Variants in OSBPL8 observed in about 807,000 individuals in gnomAD.
OSBPL8 encodes the protein oxysterol-binding protein-related protein 8.
A neutral mutation model predicts 125.5 loss-of-function variants in OSBPL8; 59 were observed. The ratio of observed to expected loss-of-function variants is 0.47; its 90% CI spans 0.38 to 0.58. The LOEUF (loss-of-function observed/expected upper bound fraction) is 0.58, where lower values mean the gene tolerates loss of function less well. Ranked by LOEUF, OSBPL8 falls within the 20% of genes least tolerant of loss-of-function variation. The pLI is 0.00. For missense variants in OSBPL8, 758 were observed against 1,047.8 expected (o/e 0.72, Z 3.82); for synonymous variants, 330 against 338.9 (o/e 0.97, Z 0.29).
At chr12:76,497,409 C>T (rs559212699) in intron 1 of OSBPL8, among the ~76,000 whole-genome samples, 31 of 152,264 alleles carry the variant, frequency 2.0e-4, no homozygotes, top group African/African-American at 7.5e-4. Context: ...TTCAGGTTAA[C>T]ATCGCGTGTA....
At chr12:76,496,824 G>A (rs951518106) in intron 1 of OSBPL8, among the ~76,000 whole-genome samples, 2 of 152,150 alleles carry the variant, frequency 1.3e-5, no homozygotes, top group South Asian at 4.1e-4. Flanking sequence ...TTACAGGTGT[G>A]AGCCACCGTG....
intron 5 of OSBPL8, among the ~76,000 whole-genome samples, chr12:76,407,610 T>C (rs1954324806): frequency 6.6e-6 from 1 of 152,214 alleles, no homozygotes; most frequent in Admixed American, 6.5e-5. Flanking sequence ...CAGAATAAAC[T>C]AAGATTAAAT....
At chr12:76,532,853 G>A (rs1950385369) in intron 1 of OSBPL8, among the ~76,000 whole-genome samples, 2 of 152,108 alleles carry the variant, frequency 1.3e-5, no homozygotes, top group South Asian at 2.1e-4. Flanking sequence ...CACAAAGATT[G>A]TTGCTTTCTG....
In OSBPL8 at chr12:76,371,722, C is replaced by A. The variant is rs551271228; in HGVS notation, c.1918-138G>T. 436 of 772,882 alleles carry A rather than the reference C, an allele frequency of 5.6e-4. 2 individuals carry two copies. The African/African-American group carries it at 7.1e-3, about 13-fold the overall frequency. The allele number at this position is 772,882 out of a possible 1,614,324, so 47.9% of individuals were successfully genotyped here. A position where few individuals can be genotyped will look rare whatever the true frequency, so the allele number is the denominator to read the frequency against. ...ATTTTTAAAACAAATATAACTAGCA[C>A]TTTTCCAAAAACTCCAAGTTTCTTA... On this transcript the variant is annotated intron_variant, in intron 18 of 23. Transcript: ENST00000261183.
chr12:76,462,516 CAT>C (rs1874862382), intron 2 of OSBPL8, among the ~76,000 whole-genome samples: 1 of 152,132 alleles, frequency 6.6e-6, no homozygotes, highest in Non-Finnish European at 1.5e-5. Context: ...CTACTGCTGA[CAT>C]ATATCACTTA....
chr12:76,406,397 T>C (rs935401102), intron 5 of OSBPL8, among the ~76,000 whole-genome samples: 1 of 152,108 alleles, frequency 6.6e-6, no homozygotes, highest in Non-Finnish European at 1.5e-5. Flanking sequence ...GGTTGAAAAA[T>C]CAACTTAAAG....
At chr12:76,388,340 G>C (rs910123557) in intron 12 of OSBPL8, among the ~76,000 whole-genome samples, 2 of 152,144 alleles carry the variant, frequency 1.3e-5, no homozygotes, top group African/African-American at 4.8e-5. Context: ...ATTACCTTCA[G>C]GGTGCTGTGC....
At position 76,461,486 on chromosome 12, in the gene OSBPL8, T is replaced by C. The variant is rs189596025; in HGVS notation, c.43-1591A>G. The stretch of plus-strand genomic sequence containing the variant: ...TGTTTTTTGAGGTAGAGTCTCGCTC[T>C]GTTGCCCAGGCTGGAGTGCAGTGGT... On this transcript the variant is annotated intron_variant, in intron 2 of 23. Coordinates refer to ENST00000261183, the MANE Select transcript of OSBPL8 (RefSeq NM_020841.5). Among the ~76,000 whole-genome samples, 464 of 152,290 alleles carry C rather than the reference T, an allele frequency of 3.0e-3. 2 individuals are homozygous for C. The highest frequency in any genetic ancestry group is 4.9e-3 in the Admixed American group (75 of 15,300).
At chr12:76,543,519 T>C (rs187733875) in intron 1 of OSBPL8, among the ~76,000 whole-genome samples, 20 of 152,326 alleles carry the variant, frequency 1.3e-4, no homozygotes, top group Non-Finnish European at 2.4e-4. Flanking sequence ...AATTGTGCAA[T>C]TAGGAGTTTA....
chr12:76,448,974 CT>C (rs572014002), intron 4 of OSBPL8, among the ~76,000 whole-genome samples: 128 of 152,210 alleles, frequency 8.4e-4, no homozygotes, highest in African/African-American at 2.1e-3. Context: ...GATCGCGCCA[CT>C]GCACTCTAGC....
At chr12:76,510,991 T>C (rs75731339) in intron 1 of OSBPL8, among the ~76,000 whole-genome samples, 8,231 of 152,076 alleles carry the variant, frequency 0.054, 548 homozygotes, top group African/African-American at 0.16. Context: ...ACTTAGTGTA[T>C]AGCCAAGAGA....
At position 76,369,311 on chromosome 12, in the gene OSBPL8, T is replaced by C. The variant is rs543025270; in HGVS notation, c.2241-10A>G. 4.0e-6 allele frequency: 6 copies of C among 1,485,444 alleles called. No individual in the cohort carries two copies. In the Admixed American group the frequency reaches 1.0e-4, roughly 26 times the overall value. The allele number at this position is 1,485,444 out of a possible 1,614,324, so 92.0% of individuals were successfully genotyped here. ...GTCCCATGGTCGGGTACTACATAAA[T>C]GAAAAAAAAAAAAACCATTTGCTCA... On this transcript the variant is annotated splice_polypyrimidine_tract_variant and intron_variant, in intron 20 of 23. Coordinates refer to ENST00000261183, the MANE Select transcript of OSBPL8 (RefSeq NM_020841.5).
chr12:76,514,221 T>C (rs1054475088), intron 1 of OSBPL8, among the ~76,000 whole-genome samples: 4 of 152,068 alleles, frequency 2.6e-5, no homozygotes, highest in Admixed American at 1.3e-4. Context: ...CTCAGCTCAC[T>C]GCAACCTCCG....
At chr12:76,524,769 C>T (rs757098203) in intron 1 of OSBPL8, among the ~76,000 whole-genome samples, 35 of 151,458 alleles carry the variant, frequency 2.3e-4, no homozygotes, top group Non-Finnish European at 4.6e-4. Context: ...CTGCAACCTC[C>T]GCCTCCCAGG....
At chr12:76,433,974 CAAAAAAAA>C (rs34241447) in intron 4 of OSBPL8, among the ~76,000 whole-genome samples, 3 of 82,142 alleles carry the variant, frequency 3.7e-5, no homozygotes, top group Non-Finnish European at 6.7e-5. Flanking sequence ...GACTCCATCT[CAAAAAAAA>C]AAAAAAAAAA....
intron 1 of OSBPL8, among the ~76,000 whole-genome samples, chr12:76,510,416 TA>T (rs1321079530): frequency 6.6e-6 from 1 of 152,106 alleles, no homozygotes; most frequent in Non-Finnish European, 1.5e-5. Context: ...ATAAGTTCAA[TA>T]AAAAACAAGA....
At chr12:76,360,916 C>A (rs1276497397) in intron 21 of OSBPL8, among the ~76,000 whole-genome samples, 1 of 152,320 alleles carries the variant, frequency 6.6e-6, no homozygotes, top group South Asian at 2.1e-4. Flanking sequence ...CCATTTTTTC[C>A]TCCTAGGCTT....
intron 4 of OSBPL8, among the ~76,000 whole-genome samples, chr12:76,424,418 GGGTT>G (rs1869892857): frequency 1.3e-5 from 2 of 152,088 alleles, no homozygotes; most frequent in Non-Finnish European, 2.9e-5. Context: ...TGGGTTTTAG[GGGTT>G]GGTTTGGTTA....
At chr12:76,378,681 C>A in intron 15 of OSBPL8, 131 bp from the exon 16 acceptor site, 1 of 635,086 alleles carries the variant, frequency 1.6e-6, no homozygotes. Flanking sequence ...CTCAATGTGC[C>A]CAAACATGTA....
Sources: gnomAD v4.1 joint callset for allele counts (sites outside exome capture counted in the v4.1 genomes callset) on GRCh38, gnomAD v4.1.1 for gene constraint, MANE v1.5 for transcripts, NCBI Gene and HGNC (gene_info 2026-07-23, HGNC 2026-07-21) for gene names.